The following TMEM202 variants were observed in gnomAD, a reference collection of about 807,000 sequenced individuals.
The protein encoded by TMEM202 is transmembrane protein 202.
In TMEM202, 25 loss-of-function variants were observed where a neutral mutation model predicts 26.1. The observed-to-expected ratio is 0.96, with a 90% CI of 0.70 to 1.34. TMEM202 has a LOEUF of 1.34. Among genes scored for constraint, TMEM202 ranks in the 40% most tolerant of loss-of-function variants. The probability of loss-of-function intolerance (pLI) is 0.00; values close to 1 mark genes in which losing one functional copy is unlikely to be tolerated. For synonymous variants in TMEM202, 122 were observed against 119.0 expected (o/e 1.02, Z -0.16); for missense variants, 301 against 327.7 (o/e 0.92, Z 0.63).
Position 72,407,806 on chromosome 15 carries a change from A to G in TMEM202, c.735A>G (p.Ser245=). The G allele has an allele frequency of 1.2e-6, 2 of 1,614,024 alleles. No homozygotes were observed. Among genetic ancestry groups the G allele is most frequent in the Non-Finnish European group, 1.7e-6 (2 of 1,180,012 alleles). Residue 245 remains serine (S), a synonymous_variant, in exon 5 of 5, where the codon TCA becomes TCG. Transcript: ENST00000341689. The part of the protein sequence containing the change: ...RLGVGPVTTV[S]PAKDEGPRSE... The stretch of plus-strand genomic sequence containing the variant: ...GGGTTGGTCCGGTGACTACAGTATC[A>G]CCTGCTAAAGATGAAGGGCCAAGGT...
At chr15:72,401,446 A>G (rs2063547255) in intron 2 of TMEM202, among the ~76,000 whole-genome samples, 1 of 152,144 alleles carries the variant, frequency 6.6e-6, no homozygotes, top group South Asian at 2.1e-4. Flanking sequence ...TGGGAGGCCG[A>G]AGTGGAGAGT....
At chr15:72,403,557 A>G (rs1251060630) in intron 2 of TMEM202, among the ~76,000 whole-genome samples, 2 of 152,196 alleles carry the variant, frequency 1.3e-5, no homozygotes, top group African/African-American at 4.8e-5. Flanking sequence ...AAGGCTTCTT[A>G]CAGAAACATA....
In TMEM202 at chr15:72,408,327, A is replaced by G. The variant is rs964313987; in HGVS notation, c.*434A>G. The stretch of plus-strand genomic sequence containing the variant: ...TACTGTTGAATCTGAACTTAATAGC[A>G]TTACCAGAAATGGAATAAATATCAA... On this transcript the variant is annotated 3_prime_UTR_variant, in exon 5 of 5. Coordinates refer to ENST00000341689, the MANE Select transcript of TMEM202 (RefSeq NM_001080462.3). 5.3e-5 allele frequency among the ~76,000 whole-genome samples: 8 copies of G among 152,188 alleles called. No homozygotes were observed. The highest frequency in any genetic ancestry group is 1.7e-4 in the African/African-American group (7 of 41,440).
intron 2 of TMEM202, among the ~76,000 whole-genome samples, chr15:72,399,671 T>A (rs1253872961): frequency 6.6e-6 from 1 of 152,262 alleles, no homozygotes; most frequent in Non-Finnish European, 1.5e-5. Flanking sequence ...GAAGATAATG[T>A]TATTTATGTC....
intron 2 of TMEM202, among the ~76,000 whole-genome samples, chr15:72,402,459 G>T (rs950526829): frequency 6.6e-6 from 1 of 152,126 alleles, no homozygotes; most frequent in Non-Finnish European, 1.5e-5. Context: ...GCTCACTTCA[G>T]GGTGTTGTGC....
At chr15:72,403,951 G>T (rs892014791) in intron 2 of TMEM202, among the ~76,000 whole-genome samples, 3 of 152,182 alleles carry the variant, frequency 2.0e-5, no homozygotes, top group Non-Finnish European at 2.9e-5. Flanking sequence ...AGAGAGAATT[G>T]TAAGAAATAT....
intron 2 of TMEM202, among the ~76,000 whole-genome samples, chr15:72,399,316 T>A (rs912235750): frequency 6.6e-6 from 1 of 152,216 alleles, no homozygotes; most frequent in African/African-American, 2.4e-5. Flanking sequence ...TTTAATTTTT[T>A]TAAATTTTTT....
In TMEM202 at chr15:72,399,833, C is replaced by T. The variant is rs541550689; in HGVS notation, c.337+925C>T. The stretch of plus-strand genomic sequence containing the variant: ...ATTACACTGACAGTTTTCCCATAAC[C>T]CGCAAGATATACATTTACACAAAGA... On this transcript the variant is annotated intron_variant, in intron 2 of 4. Transcript: ENST00000341689. Among the ~76,000 whole-genome samples, 7 of 152,264 alleles carry T rather than the reference C, an allele frequency of 4.6e-5. No homozygotes were observed. In the South Asian group the frequency reaches 6.2e-4, roughly 14 times the overall value.
chr15:72,406,057 G>C (rs1002212855), intron 2 of TMEM202, among the ~76,000 whole-genome samples: 1 of 151,966 alleles, frequency 6.6e-6, no homozygotes, highest in Non-Finnish European at 1.5e-5. Flanking sequence ...ATTAAGCAAA[G>C]TATATTAATA....
rs1226589210 is a variant in TMEM202, at chr15:72,406,665, G to A, written c.401G>A (p.Gly134Asp). ...GTCTTTACCATACTTACTGGCCTTG[G>A]CTGGCTCTTCAGCTCTTGGATCCTT... ...ISVFTILTGLGWLFSSWILNR... is the reference protein window; with the variant it reads ...ISVFTILTGLDWLFSSWILNR... The change falls in exon 3 of 5, where the codon GGC (glycine) becomes GAC (aspartate). Residue 134 changes from glycine to aspartate, a missense_variant. Gly to Asp is a moderately conservative substitution (Grantham distance 94). Coordinates refer to ENST00000341689, the MANE Select transcript of TMEM202 (RefSeq NM_001080462.3). The A allele has an allele frequency of 1.9e-6, 3 of 1,613,942 alleles. No individual in the cohort carries two copies. Among genetic ancestry groups the A allele is most frequent in the Admixed American group, 1.7e-5 (1 of 60,004 alleles).
rs1190542213 is a variant in TMEM202, at chr15:72,404,828, A to G, written c.338-1774A>G. On this transcript the variant is annotated intron_variant, in intron 2 of 4. Transcript: ENST00000341689. ...TCAAGGGCTATAGACAAGGGCTGCT[A>G]GAGCTCATGGAGGATTGTGGACTAA... 2.6e-5 allele frequency among the ~76,000 whole-genome samples: 4 copies of G among 152,164 alleles called. No homozygotes were observed. The East Asian group carries it at 7.7e-4, about 29-fold the overall frequency.
intron 2 of TMEM202, among the ~76,000 whole-genome samples, chr15:72,402,773 T>C (rs2063553839): frequency 6.6e-6 from 1 of 152,110 alleles, no homozygotes; most frequent in African/African-American, 2.4e-5. Context: ...AACAACCATA[T>C]AGTACACATT....
chr15:72,399,010 CT>C (rs1201549061), intron 2 of TMEM202, 102 bp downstream of exon 2: 4 of 1,378,200 alleles, frequency 2.9e-6, no homozygotes, highest in Non-Finnish European at 4.0e-6. Context: ...ATCTTTTGGC[CT>C]TCACCTCTCC....
chr15:72,406,332 G>A (rs755314367), intron 2 of TMEM202, among the ~76,000 whole-genome samples: 1 of 152,058 alleles, frequency 6.6e-6, no homozygotes, highest in Non-Finnish European at 1.5e-5. Context: ...ATTAGAATTA[G>A]AAACAAGAAA....
At chr15:72,402,564 A>G (rs921415598) in intron 2 of TMEM202, among the ~76,000 whole-genome samples, 1 of 152,222 alleles carries the variant, frequency 6.6e-6, no homozygotes, top group Non-Finnish European at 1.5e-5. Context: ...AGGAAAGGAC[A>G]GTATTCTTCA....
chr15:72,406,461 C>T, intron 2 of TMEM202, 141 bp from the exon 3 acceptor site: 1 of 607,662 alleles, frequency 1.6e-6, no homozygotes, highest in Non-Finnish European at 2.8e-6. Flanking sequence ...AAAGAAATTC[C>T]AAGCAAAAAG....
chr15:72,407,269 T>C (rs370743994), intron 4 of TMEM202, 52 bp downstream of exon 4: 1 of 1,597,286 alleles, frequency 6.3e-7, no homozygotes, highest in Non-Finnish European at 8.6e-7. Context: ...AAATCGCTTC[T>C]GGAAAGGGAG....
chr15:72,407,206 A>C lies in TMEM202; in HGVS notation c.608A>C (p.Tyr203Ser), dbSNP rs780744084. Reference sequence around the variant, plus strand: ...CTTAACTGGTGCAGTGACATCTTTTACATGTTTGCTGGTGAGTCACTTCCC... The same window carrying C: ...CTTAACTGGTGCAGTGACATCTTTTCCATGTTTGCTGGTGAGTCACTTCCC... ...YYLNWCSDIF[Y>S]MFAGIISLLN... The change falls in exon 4 of 5, where the codon TAC becomes TCC. Residue 203 changes from tyrosine to serine, a missense_variant. By Grantham distance (144) the Tyr-to-Ser change is moderately radical. Coordinates refer to ENST00000341689, the MANE Select transcript of TMEM202 (RefSeq NM_001080462.3). 2.4e-5 allele frequency: 39 copies of C among 1,613,448 alleles called. No homozygotes were observed. Among genetic ancestry groups the C allele is most frequent in the Non-Finnish European group, 3.2e-5 (38 of 1,179,692 alleles).
Position 72,407,712 on chromosome 15 carries a change from A to G in TMEM202, c.641A>G (p.Tyr214Cys). 6.2e-7 allele frequency: 1 copy of G among 1,613,870 alleles called. No homozygotes were observed. Among genetic ancestry groups the G allele is most frequent in the Non-Finnish European group, 8.5e-7 (1 of 1,179,828 alleles). The stretch of plus-strand genomic sequence containing the variant: ...GTAGGGATCATCTCTCTTCTCAACT[A>G]CTTAACTTCCAGATCGCCTGCCTGT... The part of the protein sequence containing the change: ...MFAGIISLLN[Y>C]LTSRSPACDE... The change falls in exon 5 of 5, where the codon TAC (tyrosine) becomes TGC (cysteine). Residue 214 changes from tyrosine (Y) to cysteine (C), a missense_variant. Coordinates refer to ENST00000341689, the MANE Select transcript of TMEM202 (RefSeq NM_001080462.3).
Sources: gnomAD v4.1 joint callset for allele counts (sites outside exome capture counted in the v4.1 genomes callset) on GRCh38, gnomAD v4.1.1 for gene constraint, MANE v1.5 for transcripts, NCBI Gene and HGNC (gene_info 2026-07-23, HGNC 2026-07-21) for gene names.